The following SH2D1B variants were observed in gnomAD, a reference collection of about 807,000 sequenced individuals.
SH2D1B encodes the protein SH2 domain-containing protein 1B.
In SH2D1B, 11 loss-of-function variants were observed where a neutral mutation model predicts 16.3. That is an observed-to-expected ratio of 0.67 (90% CI 0.42 to 1.11). SH2D1B has a LOEUF of 1.11. SH2D1B is among the 50% of genes most tolerant of loss of function. The probability of loss-of-function intolerance (pLI) is 0.00; values close to 1 mark genes in which losing one functional copy is unlikely to be tolerated. For synonymous variants in SH2D1B, 55 were observed against 56.1 expected, an observed-to-expected ratio of 0.98 and a Z score of 0.09; for missense variants, 123 against 153.1, an observed-to-expected ratio of 0.80 and a Z score of 1.04.
intron 1 of SH2D1B, 125 bp downstream of exon 1, chr1:162,411,758 C>A: frequency 7.8e-7 from 1 of 1,282,862 alleles, no homozygotes; most frequent in Non-Finnish European, 1.1e-6. Flanking sequence ...CATTACTTCT[C>A]ATTCTACTCA....
At chr1:162,408,303 CAT>C (rs1158553253) in intron 1 of SH2D1B, among the ~76,000 whole-genome samples, 4 of 152,180 alleles carry the variant, frequency 2.6e-5, no homozygotes, top group Admixed American at 6.5e-5. Context: ...CTTTCAGTGA[CAT>C]GTGTAGGGAG....
chr1:162,403,507 AAAAAATATATAT>A (rs1648577437), intron 1 of SH2D1B, among the ~76,000 whole-genome samples: 1 of 21,034 alleles, frequency 4.8e-5, no homozygotes, highest in East Asian at 1.3e-3. Context: ...AAAAAAAAAA[AAAAAATATATAT>A]ATATATATAT....
chr1:162,403,488 G>GGAA (rs1648571731), intron 1 of SH2D1B, among the ~76,000 whole-genome samples: 1 of 20,694 alleles, frequency 4.8e-5, no homozygotes, highest in African/African-American at 1.4e-4. Context: ...GACTCTGTCT[G>GGAA]AAAAAAAAAA....
chr1:162,405,653 C>T (rs1027293153), intron 1 of SH2D1B, among the ~76,000 whole-genome samples: 2 of 152,168 alleles, frequency 1.3e-5, no homozygotes, highest in Non-Finnish European at 2.9e-5. Context: ...CCAGTGGAGC[C>T]TACCTTTTTG....
intron 1 of SH2D1B, among the ~76,000 whole-genome samples, chr1:162,403,512 AT>A (rs869248439): frequency 0.2 from 3,362 of 17,080 alleles, 369 homozygotes; most frequent in Non-Finnish European, 0.25. Flanking sequence ...AAAAAAAAAA[AT>A]ATATATATAT....
intron 1 of SH2D1B, among the ~76,000 whole-genome samples, chr1:162,409,891 T>C (rs147551952): frequency 0.016 from 2,465 of 152,314 alleles, 26 homozygotes; most frequent in Non-Finnish European, 0.027. Context: ...TATTTTTCTT[T>C]AAATGGTACT....
At chr1:162,408,272 G>T (rs1205878340) in intron 1 of SH2D1B, among the ~76,000 whole-genome samples, 1 of 152,130 alleles carries the variant, frequency 6.6e-6, no homozygotes, top group African/African-American at 2.4e-5. Flanking sequence ...TAAGCCTGAG[G>T]GTGAATGAAA....
intron 1 of SH2D1B, among the ~76,000 whole-genome samples, chr1:162,405,034 A>G (rs889299424): frequency 1.3e-5 from 2 of 152,242 alleles, no homozygotes; most frequent in Non-Finnish European, 2.9e-5. Flanking sequence ...ATAGCTATAA[A>G]TGAGTAAGCA....
intron 2 of SH2D1B, among the ~76,000 whole-genome samples, chr1:162,401,812 A>G (rs545296143): frequency 1.9e-4 from 29 of 152,310 alleles, no homozygotes; most frequent in African/African-American, 7.0e-4. Context: ...ACATTAATAT[A>G]CTGAAGATTC....
rs183404411 is a variant in SH2D1B at position 162,402,190 on chromosome 1, C to T, written c.198+549G>A. 2.1e-3 allele frequency among the ~76,000 whole-genome samples: 318 copies of T among 152,232 alleles called. 1 individual carries two copies. Among genetic ancestry groups the T allele is most frequent in the African/African-American group, 7.0e-3 (289 of 41,536 alleles). The stretch of plus-strand genomic sequence containing the variant: ...TGGTGTGTTTGGCCAGTGGAGGAGC[C>T]ACAGTGGAATAACAGTGAGGGTTAT... On this transcript the variant is annotated intron_variant, in intron 2 of 3. Transcript: ENST00000367929.
At chr1:162,398,754 G>T (rs1648436844) in intron 3 of SH2D1B, among the ~76,000 whole-genome samples, 169 bp downstream of exon 3, 1 of 152,170 alleles carries the variant, frequency 6.6e-6, no homozygotes, top group South Asian at 2.1e-4. Flanking sequence ...GGCCCTCAGG[G>T]ACTAAAAGAC....
intron 2 of SH2D1B, 106 bp downstream of exon 2, chr1:162,402,633 T>G: frequency 2.1e-6 from 2 of 943,392 alleles, no homozygotes; most frequent in Non-Finnish European, 3.4e-6. Flanking sequence ...TGTGCTTTCC[T>G]TTTTAGAATG....
intron 1 of SH2D1B, among the ~76,000 whole-genome samples, chr1:162,410,899 A>G (rs1648779629): frequency 6.6e-6 from 1 of 151,406 alleles, no homozygotes; most frequent in Admixed American, 6.6e-5. Flanking sequence ...CAGGTGATTC[A>G]CCTGCCTCCG....
intron 1 of SH2D1B, among the ~76,000 whole-genome samples, chr1:162,405,514 C>T (rs1178357630): frequency 4.6e-5 from 7 of 151,996 alleles, no homozygotes; most frequent in Admixed American, 6.6e-5. Context: ...ATTTTAATTC[C>T]TTATACATAT....
rs533590252 is a variant in SH2D1B at position 162,410,169 on chromosome 1, G to C, written c.134+1714C>G. Among the ~76,000 whole-genome samples the C allele has an allele frequency of 2.6e-5, 4 of 152,188 alleles. No individual in the cohort carries two copies. The South Asian group carries it at 8.3e-4, about 32-fold the overall frequency. On this transcript the variant is annotated intron_variant, in intron 1 of 3. Coordinates refer to ENST00000367929, the MANE Select transcript of SH2D1B (RefSeq NM_053282.5). ...TTCCTCATCCTCCACCATCCCCCAG[G>C]CAACATCTGATCACCCGGGCCTGTC... is the stretch of plus-strand genomic sequence containing the variant.
chr1:162,411,855 C>T, intron 1 of SH2D1B, 28 bp downstream of exon 1: 1 of 1,613,714 alleles, frequency 6.2e-7, no homozygotes, highest in South Asian at 1.1e-5. Flanking sequence ...CATACGATGT[C>T]AGATGTGTGC....
intron 1 of SH2D1B, among the ~76,000 whole-genome samples, chr1:162,409,603 G>C (rs941187233): frequency 6.6e-6 from 1 of 152,078 alleles, no homozygotes; most frequent in Non-Finnish European, 1.5e-5. Context: ...TTGAGATGGA[G>C]AGTCTTTCTC....
Position 162,401,633 on chromosome 1 carries a change from A to G in SH2D1B, c.198+1106T>C, listed in dbSNP as rs1238393435. On this transcript the variant is annotated intron_variant, in intron 2 of 3. Coordinates refer to ENST00000367929, the MANE Select transcript of SH2D1B (RefSeq NM_053282.5). ...TAACCATACTACAATGATTAAAATC[A>G]GGAAATTAACCTGGATACAGTACTA... 7.2e-5 allele frequency among the ~76,000 whole-genome samples: 11 copies of G among 152,196 alleles called. 2 individuals are homozygous for G. Among genetic ancestry groups the G allele is most frequent in the Admixed American group, 7.2e-4 (11 of 15,278 alleles).
intron 3 of SH2D1B, 127 bp downstream of exon 3, chr1:162,398,796 A>T (rs1375070981): frequency 6.1e-6 from 7 of 1,141,548 alleles, no homozygotes; most frequent in Non-Finnish European, 8.5e-6. Context: ...AATTGCTCTT[A>T]GTAGGATGAA....
Sources: allele counts gnomAD v4.1 joint callset (sites outside exome capture counted in the v4.1 genomes callset), GRCh38; gene constraint gnomAD v4.1.1; transcripts MANE v1.5; gene names NCBI Gene and HGNC (gene_info 2026-07-23, HGNC 2026-07-21).